The following TRIM31 variants were observed in gnomAD, a reference collection of about 807,000 sequenced individuals.
The protein encoded by TRIM31 is tripartite motif containing 31, also known as E3 ubiquitin-protein ligase TRIM31.
In TRIM31, 31 loss-of-function variants were observed where a neutral mutation model predicts 40.6. The ratio of observed to expected loss-of-function variants is 0.76; its 90% CI spans 0.57 to 1.03. TRIM31 has a LOEUF of 1.03. TRIM31 is among the 50% of genes least tolerant of loss of function. The pLI, the probability that TRIM31 is intolerant of heterozygous loss-of-function variation, is 0.00. For synonymous variants in TRIM31, 164 were observed against 193.9 expected (o/e 0.85, Z 1.28); for missense variants, 455 against 497.5 (o/e 0.91, Z 0.81).
intron 6 of TRIM31, among the ~76,000 whole-genome samples, chr6:30,107,120 CAAAT>C (rs71742404): frequency 0.067 from 10,246 of 152,096 alleles, 434 homozygotes; most frequent in Middle Eastern, 0.13. Flanking sequence ...AATAAATAAA[CAAAT>C]AAATAAAGTT....
chr6:30,103,202 T>G lies in TRIM31; in HGVS notation c.*334A>C. 1 of 393,924 alleles carries G rather than the reference T, an allele frequency of 2.5e-6. No individual in the cohort carries two copies. The highest frequency in any genetic ancestry group is 4.5e-5 in the East Asian group (1 of 22,302). 24.4% of individuals were successfully genotyped at this position (393,924 alleles called of 1,614,324 possible). A position where few individuals can be genotyped will look rare whatever the true frequency, so the allele number is the denominator to read the frequency against. On this transcript the variant is annotated 3_prime_UTR_variant, in exon 9 of 9. Transcript: ENST00000376734. ...TGAACTGGTGCCTTCGGTAAACAGC[T>G]GCTTAAAGAGTGCGGGGACTGCTGC... is the stretch of plus-strand genomic sequence containing the variant.
At chr6:30,112,257 G>T in intron 2 of TRIM31, 132 bp downstream of exon 2, 1 of 998,272 alleles carries the variant, frequency 1.0e-6, no homozygotes, top group Non-Finnish European at 1.5e-6. Flanking sequence ...GTGCCTGACT[G>T]CGAGCTGCCC....
chr6:30,106,902 C>A (rs1221840525), intron 6 of TRIM31, among the ~76,000 whole-genome samples: 1 of 152,132 alleles, frequency 6.6e-6, no homozygotes, highest in Non-Finnish European at 1.5e-5. Flanking sequence ...AGTTCGAGAC[C>A]AGCTTGACCA....
intron 6 of TRIM31, among the ~76,000 whole-genome samples, chr6:30,106,050 G>A (rs770935652): frequency 6.6e-5 from 10 of 152,256 alleles, no homozygotes; most frequent in Non-Finnish European, 1.5e-4. Context: ...CCTTTTGCAG[G>A]TAGAGGATGA....
Position 30,112,730 on chromosome 6 carries a change from G to C in TRIM31, c.76C>G (p.Pro26Ala). The change falls in exon 2 of 9, where the codon CCT (proline) becomes GCT (alanine). Residue 26 changes from proline to alanine, a missense_variant. Transcript: ENST00000376734. ...CPICLDILQK[P>A]VTIDCGHNFC... is the part of the protein sequence containing the mutation. The stretch of plus-strand genomic sequence containing the variant: ...TTGTGCCCACAGTCGATGGTGACAG[G>C]TTTCTGCAGAATGTCCAGGCAGATG... The C allele has an allele frequency of 1.9e-6, 3 of 1,613,102 alleles. No individual in the cohort carries two copies. Among genetic ancestry groups the C allele is most frequent in the Non-Finnish European group, 2.5e-6 (3 of 1,180,014 alleles).
At chr6:30,108,719 A>G in intron 5 of TRIM31, 2 of 529,146 alleles carry the variant, frequency 3.8e-6, no homozygotes, top group South Asian at 2.4e-5. Flanking sequence ...AGGGAAAAAA[A>G]CAGGGTCAGG....
rs934523005 is a variant in TRIM31, at chr6:30,107,315, G to A, written c.883+738C>T. Among the ~76,000 whole-genome samples the A allele has an allele frequency of 1.3e-4, 18 of 143,316 alleles. No individual in the cohort carries two copies. The Middle Eastern group carries it at 0.011, about 84-fold the overall frequency. 94.0% of individuals were successfully genotyped at this position (143,316 alleles called of 152,430 possible). ...GGTGGAGATCTTGGGGCATTGCCCT[G>A]GTCCTCCTTTTCCGTAGTCCCAAGG... On this transcript the variant is annotated intron_variant, in intron 6 of 8. Coordinates refer to ENST00000376734, the MANE Select transcript of TRIM31 (RefSeq NM_007028.5).
chr6:30,107,513 A>G (rs1270847307), intron 6 of TRIM31: 1 of 140,010 alleles, frequency 7.1e-6, no homozygotes, highest in Non-Finnish European at 1.5e-5. Context: ...CTAGTTGCAA[A>G]CACAGAAAGG....
Position 30,111,649 on chromosome 6 carries a change from G to A in TRIM31, c.512C>T (p.Thr171Met), listed in dbSNP as rs1183758709. Residue 171 changes from threonine to methionine, a missense_variant and splice_region_variant, in exon 3 of 9, where the codon ACG becomes ATG. By Grantham distance (81) the Thr-to-Met change is moderately conservative. Coordinates refer to ENST00000376734, the MANE Select transcript of TRIM31 (RefSeq NM_007028.5). Reference protein sequence around the residue: ...AQGVHRVDVFTDQVEHEKQRI... With the variant: ...AQGVHRVDVFMDQVEHEKQRI... ...ATCGTGGGATGGAGTTTTTCTTACC[G>A]TGAAGACATCGACCCTGTGTACACC... 7 of 1,613,858 alleles carry A rather than the reference G, an allele frequency of 4.3e-6. No individual in the cohort carries two copies. Among genetic ancestry groups the A allele is most frequent in the Admixed American group, 1.7e-5 (1 of 59,972 alleles).
At chr6:30,109,762 T>C (rs1769104890) in intron 4 of TRIM31, among the ~76,000 whole-genome samples, 1 of 152,000 alleles carries the variant, frequency 6.6e-6, no homozygotes, top group African/African-American at 2.4e-5. Context: ...GGACCTGTAA[T>C]CCCAGCTACT....
chr6:30,109,260 C>G (rs975078033), intron 4 of TRIM31, among the ~76,000 whole-genome samples: 1 of 152,136 alleles, frequency 6.6e-6, no homozygotes, highest in Non-Finnish European at 1.5e-5. Context: ...GTTTTGACCT[C>G]AAGAAGAACT....
Position 30,112,777 on chromosome 6 carries a change from A to G in TRIM31, c.29T>C (p.Leu10Pro). 1 of 1,611,544 alleles carries G rather than the reference A, an allele frequency of 6.2e-7. No homozygotes were observed. The highest frequency in any genetic ancestry group is 2.2e-5 in the East Asian group (1 of 44,870). Reference protein sequence around the residue: MASGQFVNKLQEEVICPICL... With the variant: MASGQFVNKPQEEVICPICL... ...GATGGGGCAGATCACTTCCTCTTGC[A>G]GTTTGTTCACAAACTGCCCACTGGC... Residue 10 changes from leucine (L) to proline (P), a missense_variant, in exon 2 of 9, where the codon CTG (leucine) becomes CCG (proline). Transcript: ENST00000376734.
intron 3 of TRIM31, 34 bp from the exon 4 acceptor site, chr6:30,110,712 T>C (rs1769220277): frequency 1.2e-6 from 2 of 1,603,846 alleles, no homozygotes. Context: ...GGTGAGAGGA[T>C]GGCCTCGAAG....
chr6:30,111,831 ACT>A lies in TRIM31; in HGVS notation c.418-90_418-89del, dbSNP rs556380612. The stretch of plus-strand genomic sequence containing the variant: ...CTGGTCTCTTAGGAGAGCTGGTGAC[ACT>A]CTCCAGGTGAGTCCTTGTGTAATTA... On this transcript the variant is annotated intron_variant, in intron 2 of 8. Transcript: ENST00000376734. 340 of 1,207,774 alleles carry A rather than the reference ACT, an allele frequency of 2.8e-4. 8 individuals carry two copies. In the South Asian group the frequency reaches 4.1e-3, roughly 15 times the overall value. 74.8% of individuals were successfully genotyped at this position (1,207,774 alleles called of 1,614,324 possible).
intron 7 of TRIM31, among the ~76,000 whole-genome samples, 177 bp from the exon 8 acceptor site, chr6:30,104,344 T>C (rs1420648506): frequency 6.6e-6 from 1 of 151,764 alleles, no homozygotes; most frequent in Non-Finnish European, 1.5e-5. Flanking sequence ...ACAACAAGAG[T>C]GTGGTTCTCT....
At chr6:30,109,444 C>T (rs1383984905) in intron 4 of TRIM31, among the ~76,000 whole-genome samples, 1 of 152,184 alleles carries the variant, frequency 6.6e-6, no homozygotes, top group East Asian at 1.9e-4. Context: ...GAGGAATCAT[C>T]TCAGCTTATT....
chr6:30,108,812 G>A (rs1184794766), intron 5 of TRIM31: 5 of 630,750 alleles, frequency 7.9e-6, no homozygotes, highest in Admixed American at 4.9e-5. Context: ...GAAGAAGGAG[G>A]AAGGCTGAGA....
chr6:30,110,364 G>A, intron 4 of TRIM31, 84 bp downstream of exon 4: 24 of 1,338,386 alleles, frequency 1.8e-5, no homozygotes, highest in Non-Finnish European at 2.5e-5. Context: ...GGCAATCTCA[G>A]GTATTCTGCC....
intron 3 of TRIM31, 104 bp downstream of exon 3, chr6:30,111,544 G>T: frequency 8.5e-7 from 1 of 1,177,460 alleles, no homozygotes; most frequent in Non-Finnish European, 1.2e-6. Context: ...GAGAGGACAT[G>T]GCTCACTGGA....
Sources: allele counts gnomAD v4.1 joint callset (sites outside exome capture counted in the v4.1 genomes callset), GRCh38; gene constraint gnomAD v4.1.1; transcripts MANE v1.5; gene names NCBI Gene and HGNC (gene_info 2026-07-23, HGNC 2026-07-21).